COG3: variants seen among roughly 807,000 people sequenced by gnomAD.
COG3 encodes component of oligomeric golgi complex 3.
In COG3, 32 loss-of-function variants were observed where a neutral mutation model predicts 114.1. That is an observed-to-expected ratio of 0.28 (90% CI 0.21 to 0.38). The LOEUF is 0.38. Ranked by LOEUF, COG3 falls within the 10% of genes least tolerant of loss-of-function variation. The pLI is 1.00. For missense variants in COG3, 813 were observed against 973.2 expected (o/e 0.84, Z 2.19); for synonymous variants, 352 against 365.7 (o/e 0.96, Z 0.43).
chr13:45,514,349 CAG>C (rs1871309141), intron 16 of COG3, among the ~76,000 whole-genome samples: 1 of 151,992 alleles, frequency 6.6e-6, no homozygotes, highest in East Asian at 1.9e-4. Flanking sequence ...GTAGTAGAGA[CAG>C]GGTTTCACCG....
chr13:45,524,599 C>T (rs184066139), intron 19 of COG3, among the ~76,000 whole-genome samples: 1 of 152,262 alleles, frequency 6.6e-6, no homozygotes, highest in Non-Finnish European at 1.5e-5. Context: ...TAATTACATA[C>T]AAAAATAATT....
chr13:45,526,229 G>T (rs1159886465), intron 20 of COG3, among the ~76,000 whole-genome samples: 1 of 151,452 alleles, frequency 6.6e-6, no homozygotes, highest in Non-Finnish European at 1.5e-5. Flanking sequence ...GGGATTACAG[G>T]CACCTGCCAC....
At chr13:45,487,751 G>A (rs138261109) in intron 8 of COG3, among the ~76,000 whole-genome samples, 1 of 152,300 alleles carries the variant, frequency 6.6e-6, no homozygotes, top group Non-Finnish European at 1.5e-5. Flanking sequence ...TGGTGAGGAT[G>A]CAGACAAAAG....
chr13:45,493,067 T>C lies in COG3; in HGVS notation c.1188-280T>C, dbSNP rs111335025. 3.6e-3 allele frequency among the ~76,000 whole-genome samples: 556 copies of C among 152,342 alleles called. 5 individuals are homozygous for C. The highest frequency in any genetic ancestry group is 0.013 in the African/African-American group (543 of 41,590). On this transcript the variant is annotated intron_variant, in intron 11 of 22. Transcript: ENST00000349995. ...TTTTGAAAGGACATATAGAAAATTATTGCTGAAATAGATAAAAGTTGTAAT... is the reference window on the plus strand; with the variant it reads ...TTTTGAAAGGACATATAGAAAATTACTGCTGAAATAGATAAAAGTTGTAAT...
At chr13:45,489,186 CAAAAAAAAAAAAAAA>C (rs71074703) in intron 8 of COG3, among the ~76,000 whole-genome samples, 8 of 30,412 alleles carry the variant, frequency 2.6e-4, no homozygotes, top group South Asian at 2.2e-3. Flanking sequence ...GACTCTGTTT[CAAAAAAAAAAAAAAA>C]AAAAAAAAAA....
chr13:45,529,700 A>AT (rs1011480948), intron 20 of COG3, 91 bp from the exon 21 acceptor site: 2 of 917,136 alleles, frequency 2.2e-6, no homozygotes, highest in South Asian at 2.0e-5. Flanking sequence ...TTCTTCTGCT[A>AT]TTTTTTTCTC....
chr13:45,485,028 ATC>A (rs1449956608), intron 7 of COG3, among the ~76,000 whole-genome samples: 2 of 137,652 alleles, frequency 1.5e-5, no homozygotes, highest in East Asian at 4.5e-4. Flanking sequence ...CAACCATCCG[ATC>A]TCTCAATCTT....
chr13:45,500,067 A>AT (rs1869319550), intron 13 of COG3, among the ~76,000 whole-genome samples: 1 of 113,006 alleles, frequency 8.8e-6, no homozygotes. Context: ...TGTGTGTGTG[A>AT]GTGTGTGTGT....
intron 17 of COG3, among the ~76,000 whole-genome samples, chr13:45,517,289 A>G (rs1350992894): frequency 2.0e-5 from 3 of 152,164 alleles, no homozygotes; most frequent in South Asian, 2.1e-4. Context: ...TAGGATGTTC[A>G]AGGATAGCAG....
intron 4 of COG3, 25 bp downstream of exon 4, chr13:45,480,315 C>T: frequency 6.7e-7 from 1 of 1,494,742 alleles, no homozygotes; most frequent in East Asian, 2.3e-5. Context: ...GAGAGAGGAT[C>T]AGTCATTATA....
At chr13:45,476,091 G>C in intron 1 of COG3, 110 bp from the exon 2 acceptor site, 1 of 981,132 alleles carries the variant, frequency 1.0e-6, no homozygotes, top group East Asian at 2.5e-5. Context: ...GTGATTTAAT[G>C]GAAAATATTT....
intron 14 of COG3, among the ~76,000 whole-genome samples, chr13:45,508,318 A>G (rs1031326420): frequency 2.7e-5 from 4 of 149,246 alleles, no homozygotes; most frequent in Non-Finnish European, 1.5e-5. Context: ...TGAAAGAAAG[A>G]TGAATGATGA....
chr13:45,510,030 A>G (rs1870686910), intron 15 of COG3, among the ~76,000 whole-genome samples: 1 of 152,164 alleles, frequency 6.6e-6, no homozygotes, highest in African/African-American at 2.4e-5. Context: ...GAGTCTATGG[A>G]CACCTCAAAA....
chr13:45,500,097 T>C (rs1206562708), intron 13 of COG3, among the ~76,000 whole-genome samples: 1 of 11,928 alleles, frequency 8.4e-5, no homozygotes, highest in Non-Finnish European at 4.7e-4. Flanking sequence ...TGTGTGTGTA[T>C]ATATATATAT....
chr13:45,530,094 CT>C (rs1182133755), intron 21 of COG3, among the ~76,000 whole-genome samples, 176 bp downstream of exon 21: 1 of 152,166 alleles, frequency 6.6e-6, no homozygotes, highest in African/African-American at 2.4e-5. Flanking sequence ...TCTTGATTAT[CT>C]TTTTTTCCCA....
chr13:45,474,324 ATTT>A (rs960842194), intron 1 of COG3, among the ~76,000 whole-genome samples: 1 of 150,210 alleles, frequency 6.7e-6, no homozygotes, highest in Admixed American at 6.6e-5. Flanking sequence ...TGCCCGGCTA[ATTT>A]TTTTTTGTGT....
intron 14 of COG3, among the ~76,000 whole-genome samples, chr13:45,504,737 A>T (rs1002464541): frequency 2.6e-5 from 4 of 152,162 alleles, no homozygotes; most frequent in Non-Finnish European, 5.9e-5. Context: ...GGTCTGTATT[A>T]TATGGTTCTA....
chr13:45,504,641 G>GATATC (rs1869923684), intron 14 of COG3, among the ~76,000 whole-genome samples: 1 of 152,112 alleles, frequency 6.6e-6, no homozygotes. Flanking sequence ...CAGAGATGAG[G>GATATC]GATATGGTTA....
rs529808718 is a variant in COG3 at position 45,511,627 on chromosome 13, G to A, written c.1720-138G>A. On this transcript the variant is annotated intron_variant, in intron 15 of 22. Transcript: ENST00000349995. ...AAGGTTGCATGGGAATAGGAAACCA[G>A]GAAGAATAATACAAGTAGTAAATTA... 10 of 630,644 alleles carry A rather than the reference G, an allele frequency of 1.6e-5. No homozygotes were observed. In the Admixed American group the frequency reaches 2.8e-4, roughly 18 times the overall value. The allele number at this position is 630,644 out of a possible 1,614,324, so 39.1% of individuals were successfully genotyped here. A position where few individuals can be genotyped will look rare whatever the true frequency, so the allele number is the denominator to read the frequency against.
Sources: allele counts gnomAD v4.1 joint callset (sites outside exome capture counted in the v4.1 genomes callset), GRCh38; gene constraint gnomAD v4.1.1; transcripts MANE v1.5; gene names NCBI Gene and HGNC (gene_info 2026-07-23, HGNC 2026-07-21).